DNAH9: variants seen among roughly 807,000 people sequenced by gnomAD.
The protein encoded by DNAH9 is DNAH9 variant protein.
A neutral mutation model predicts 471.6 loss-of-function variants in DNAH9; 345 were observed. That is an observed-to-expected ratio of 0.73 (90% CI 0.67 to 0.80). DNAH9 has a LOEUF of 0.80. Ranked by LOEUF, DNAH9 falls within the 30% of genes least tolerant of loss-of-function variation. DNAH9 has a pLI of 0.00. For missense variants in DNAH9, 5,407 were observed against 5,609.2 expected (o/e 0.96, Z 1.15); for synonymous variants, 2,093 against 2,123.6 (o/e 0.99, Z 0.40).
At chr17:11,821,749 C>T (rs1305820038) in intron 45 of DNAH9, among the ~76,000 whole-genome samples, 171 bp from the exon 46 acceptor site, 1 of 152,206 alleles carries the variant, frequency 6.6e-6, no homozygotes, top group Non-Finnish European at 1.5e-5. Flanking sequence ...ACTCGTTCTT[C>T]TGCCCTGGGT....
In DNAH9 at chr17:11,781,082, T is replaced by C. The variant is rs1968649648; in HGVS notation, c.7626T>C (p.Tyr2542=). ...CTCCAGGGAACAAGAAACTCATCTA[T>C]TTCATTGATGACATGAACATGCCTG... ...YGPPGNKKLI[Y]FIDDMNMPEV... is the part of the protein sequence containing the mutation. Residue 2542 remains tyrosine (Y), a synonymous_variant, in exon 39 of 69, where the codon TAT becomes TAC. Transcript: ENST00000262442. 1 of 1,614,218 alleles carries C rather than the reference T, an allele frequency of 6.2e-7. No individual in the cohort carries two copies. Among genetic ancestry groups the C allele is most frequent in the East Asian group, 2.2e-5 (1 of 44,882 alleles).
At chr17:11,655,037 G>A (rs1394640406) in intron 14 of DNAH9, among the ~76,000 whole-genome samples, 1 of 151,948 alleles carries the variant, frequency 6.6e-6, no homozygotes, top group African/African-American at 2.4e-5. Flanking sequence ...GAAGCTCCAC[G>A]AACAGAAGAC....
In DNAH9 at chr17:11,669,720, G is replaced by A; in HGVS notation, c.3279G>A (p.Lys1093=). Residue 1093 remains lysine, a synonymous_variant, in exon 17 of 69, where the codon AAG becomes AAA. Transcript: ENST00000262442. The part of the protein sequence containing the change: ...GWMKIDIRPF[K]ASLLNIIKRW... ...TGAAAATTGATATTCGACCCTTTAAGGCATCTCTGCTGAATATTATTAAGA... is the reference window on the plus strand; with the variant it reads ...TGAAAATTGATATTCGACCCTTTAAAGCATCTCTGCTGAATATTATTAAGA... 1 of 1,614,152 alleles carries A rather than the reference G, an allele frequency of 6.2e-7. No homozygotes were observed. The highest frequency in any genetic ancestry group is 8.5e-7 in the Non-Finnish European group (1 of 1,180,018).
chr17:11,707,994 CACACACACACACACACACACAGAGAGAG>C (rs1320422129), intron 26 of DNAH9, among the ~76,000 whole-genome samples: 203 of 56,664 alleles, frequency 3.6e-3, no homozygotes, highest in Middle Eastern at 0.012. Context: ...CACACACACA[CACACACACACACACACACACAGAGAGAG>C]AGAGAGAGAG....
rs201103065 is a variant in DNAH9 at position 11,693,956 on chromosome 17, A to C, written c.4703A>C (p.Asn1568Thr). ...QKIPNVVQTT[N>T]KPGLYEKLED... is the part of the protein sequence containing the mutation. ...ATTCCAAATGTAGTGCAAACCACCA[A>C]CAAGCCAGGCCTGTATGAAAAGCTG... The change falls in exon 21 of 69, where the codon AAC (asparagine) becomes ACC (threonine). Residue 1568 changes from asparagine (N) to threonine (T), a missense_variant. Physicochemically the swap from Asn to Thr is moderately conservative, Grantham distance 65. This residue lies in a region of DNAH9 where 4,636 missense variants were observed against 4,900.3 expected (regional missense o/e 0.95). Transcript: ENST00000262442. The C allele has an allele frequency of 8.1e-5, 131 of 1,614,228 alleles. No homozygotes were observed. In the East Asian group the frequency reaches 1.3e-3, roughly 16 times the overall value.
At chr17:11,826,791 A>G (rs1597703232) in intron 48 of DNAH9, among the ~76,000 whole-genome samples, 1 of 136,498 alleles carries the variant, frequency 7.3e-6, no homozygotes, top group African/African-American at 2.7e-5. Context: ...ATATCTCTCA[A>G]TTCTGTCCTC....
At chr17:11,688,424 T>C (rs1567719141) in intron 19 of DNAH9, among the ~76,000 whole-genome samples, 1 of 152,070 alleles carries the variant, frequency 6.6e-6, no homozygotes, top group African/African-American at 2.4e-5. Flanking sequence ...CTCATGAAGA[T>C]GAGGAGCCAG....
intron 65 of DNAH9, among the ~76,000 whole-genome samples, chr17:11,935,398 C>T (rs1365558187): frequency 6.9e-6 from 1 of 145,158 alleles, no homozygotes; most frequent in Admixed American, 6.9e-5. Context: ...TTTTATAAGA[C>T]GGAGTCTCAC....
chr17:11,767,109 G>A (rs969067625), intron 36 of DNAH9, among the ~76,000 whole-genome samples: 11 of 152,196 alleles, frequency 7.2e-5, no homozygotes, highest in Non-Finnish European at 8.8e-5. Flanking sequence ...AGACAATGTC[G>A]GTGTGGCCCA....
At chr17:11,602,494 T>C (rs2098070) in intron 1 of DNAH9, among the ~76,000 whole-genome samples, 21 of 152,088 alleles carry the variant, frequency 1.4e-4, no homozygotes, top group Middle Eastern at 3.4e-3. Context: ...TTGTTCCTCC[T>C]TGCTGCTCTA....
At position 11,629,545 on chromosome 17, in the gene DNAH9, C is replaced by G. The variant is rs2073029486; in HGVS notation, c.1479C>G (p.Leu493=). The stretch of plus-strand genomic sequence containing the variant: ...AATTTCAAGAGATGTACAGGCTTCT[C>G]TCAGGATCCTCCTCCGACTGCCTGT... ...HEEFQEMYRL[L]SGSSSDCLYL... Residue 493 remains leucine (L), a synonymous_variant, in exon 7 of 69, where the codon CTC becomes CTG. Transcript: ENST00000262442. 2 of 1,614,004 alleles carry G rather than the reference C, an allele frequency of 1.2e-6. No homozygotes were observed. The highest frequency in any genetic ancestry group is 1.7e-6 in the Non-Finnish European group (2 of 1,180,040).
intron 44 of DNAH9, among the ~76,000 whole-genome samples, chr17:11,809,361 C>T (rs891363704): frequency 2.0e-5 from 3 of 151,886 alleles, no homozygotes; most frequent in East Asian, 1.9e-4. Context: ...GTCAGGAGAT[C>T]GAAACCATCC....
intron 9 of DNAH9, among the ~76,000 whole-genome samples, chr17:11,638,098 G>A (rs1026565691): frequency 1.3e-5 from 2 of 152,190 alleles, no homozygotes; most frequent in Non-Finnish European, 2.9e-5. Flanking sequence ...CCGCCTTAGG[G>A]AATTTGGAAT....
At chr17:11,877,796 G>A (rs961659741) in intron 53 of DNAH9, among the ~76,000 whole-genome samples, 1 of 152,056 alleles carries the variant, frequency 6.6e-6, no homozygotes, top group Non-Finnish European at 1.5e-5. Context: ...ATATAGTGGC[G>A]CTATCTCGGC....
chr17:11,965,258 A>G (rs1976606296), intron 68 of DNAH9, among the ~76,000 whole-genome samples: 1 of 152,238 alleles, frequency 6.6e-6, no homozygotes, highest in South Asian at 2.1e-4. Flanking sequence ...GTGAAATCTA[A>G]GCAGAGTTTT....
intron 59 of DNAH9, among the ~76,000 whole-genome samples, chr17:11,894,965 T>C (rs1282993542): frequency 2.0e-5 from 3 of 152,174 alleles, no homozygotes. Context: ...ACAGCTCTTA[T>C]CTATTGAGTG....
chr17:11,689,554 T>A lies in DNAH9; in HGVS notation c.3744-12T>A. On this transcript the variant is annotated splice_polypyrimidine_tract_variant and intron_variant, in intron 19 of 68. Transcript: ENST00000262442. ...GTGCCATACTTACAAAGGAACACAC[T>A]GTGTTTTGTAGGTTTGATAGCATCC... The A allele has an allele frequency of 6.3e-7, 1 of 1,587,424 alleles. No homozygotes were observed. Among genetic ancestry groups the A allele is most frequent in the Non-Finnish European group, 8.5e-7 (1 of 1,173,404 alleles).
chr17:11,690,281 T>C lies in DNAH9; in HGVS notation c.4459T>C (p.Tyr1487His). The C allele has an allele frequency of 6.2e-7, 1 of 1,614,198 alleles. No homozygotes were observed. The highest frequency in any genetic ancestry group is 8.5e-7 in the Non-Finnish European group (1 of 1,180,028). Residue 1487 changes from tyrosine to histidine, a missense_variant, in exon 20 of 69, where the codon TAT (tyrosine) becomes CAT (histidine). Coordinates refer to ENST00000262442, the MANE Select transcript of DNAH9 (RefSeq NM_001372.4). ...ACTTCAGAACCTGGTGATGTCCAAGTATGTTGCTTTCTTCTTGGAGGAGGT... is the reference window on the plus strand; with the variant it reads ...ACTTCAGAACCTGGTGATGTCCAAGCATGTTGCTTTCTTCTTGGAGGAGGT... ...VQLQNLVMSK[Y>H]VAFFLEEVSG...
intron 38 of DNAH9, among the ~76,000 whole-genome samples, chr17:11,779,483 C>T (rs749008320): frequency 1.3e-5 from 2 of 152,142 alleles, no homozygotes; most frequent in Non-Finnish European, 2.9e-5. Context: ...AATTTAGGAT[C>T]ATCTGCCTGA....
Sources: gnomAD v4.1 joint callset for allele counts (sites outside exome capture counted in the v4.1 genomes callset) on GRCh38, gnomAD v4.1.1 for gene constraint, gnomAD v4.1.1 regional missense constraint, MANE v1.5 for transcripts, NCBI Gene and HGNC (gene_info 2026-07-23, HGNC 2026-07-21) for gene names.